The following SHANK2 variants were observed in gnomAD, a reference collection of about 807,000 sequenced individuals.
SHANK2 encodes SH3 and multiple ankyrin repeat domains 2, also known as SH3 and multiple ankyrin repeat domains protein 2.
In SHANK2, 43 loss-of-function variants were observed where a neutral mutation model predicts 133.7. The observed-to-expected ratio is 0.32, with a 90% CI of 0.25 to 0.41. The LOEUF is 0.41. SHANK2 is among the 10% of genes least tolerant of loss of function. SHANK2 has a pLI of 1.00. For missense variants in SHANK2, 1,994 were observed against 2,235.8 expected (o/e 0.89, Z 2.18); for synonymous variants, 1,017 against 952.8 (o/e 1.07, Z -1.24).
At chr11:70,708,314 C>T (rs977959795) in intron 14 of SHANK2, among the ~76,000 whole-genome samples, 41 of 152,090 alleles carry the variant, frequency 2.7e-4, no homozygotes, top group Non-Finnish European at 7.4e-5. Flanking sequence ...CACTGCATTT[C>T]TCCTGATGGA....
At chr11:70,931,839 C>T (rs945651470) in intron 10 of SHANK2, among the ~76,000 whole-genome samples, 5 of 152,172 alleles carry the variant, frequency 3.3e-5, no homozygotes, top group African/African-American at 7.2e-5. Context: ...CTCTCAACGA[C>T]GCTTATTATT....
Position 71,171,837 on chromosome 11 carries a change from G to A in SHANK2, c.-12-24499C>T, listed in dbSNP as rs1458006176. Among the ~76,000 whole-genome samples, 12 of 152,300 alleles carry A rather than the reference G, an allele frequency of 7.9e-5. 1 individual carries two copies. The highest frequency in any genetic ancestry group is 7.7e-4 in the East Asian group (4 of 5,176). On this transcript the variant is annotated intron_variant, in intron 2 of 25. Coordinates refer to ENST00000601538, the MANE Select transcript of SHANK2 (RefSeq NM_012309.5). ...TAATCAGATTAATCCCTGTGGCCTC[G>A]TTTAACCAGGATCACTGCCTTAGAG...
chr11:70,618,470 A>G (rs2060786222), intron 17 of SHANK2, among the ~76,000 whole-genome samples: 2 of 152,164 alleles, frequency 1.3e-5, no homozygotes, highest in Admixed American at 6.5e-5. Flanking sequence ...AACGTTCTAG[A>G]ATCCCAGGGC....
chr11:71,189,104 T>C (rs904319920), intron 2 of SHANK2, among the ~76,000 whole-genome samples: 13 of 152,212 alleles, frequency 8.5e-5, no homozygotes, highest in African/African-American at 2.7e-4. Flanking sequence ...CATCTGCCAT[T>C]CTCGGCTGAA....
intron 11 of SHANK2, among the ~76,000 whole-genome samples, chr11:70,869,009 G>A (rs528329460): frequency 1.3e-5 from 2 of 152,332 alleles, no homozygotes; most frequent in South Asian, 4.1e-4. Flanking sequence ...GGGCTTTAAA[G>A]AGGCAACTAA....
intron 14 of SHANK2, among the ~76,000 whole-genome samples, chr11:70,781,459 C>A (rs1591838427): frequency 1.3e-5 from 2 of 149,196 alleles, no homozygotes; most frequent in African/African-American, 2.5e-5. Context: ...GGGAAAGGGA[C>A]CATTGCTTGG....
Position 70,617,235 on chromosome 11 carries a change from ATG to A in SHANK2, c.2061+42591_2061+42592del, listed in dbSNP as rs568095696. Reference sequence around the variant, plus strand: ...GTCTGAGTGTGTTGTGTGTGTGTGCATGTGTGTCACTGAGAGTGCATGTGTGT... The same window carrying A: ...GTCTGAGTGTGTTGTGTGTGTGTGCATGTGTCACTGAGAGTGCATGTGTGT... On this transcript the variant is annotated intron_variant, in intron 17 of 25. Coordinates refer to ENST00000601538, the MANE Select transcript of SHANK2 (RefSeq NM_012309.5). Among the ~76,000 whole-genome samples, 68 of 150,508 alleles carry A rather than the reference ATG, an allele frequency of 4.5e-4. No homozygotes were observed. The East Asian group carries it at 0.013, about 28-fold the overall frequency.
chr11:70,678,825 C>T (rs1305753158), intron 15 of SHANK2, among the ~76,000 whole-genome samples: 2 of 152,072 alleles, frequency 1.3e-5, no homozygotes, highest in African/African-American at 4.8e-5. Context: ...ACAGGCATGA[C>T]CCACTGCGCC....
At chr11:70,663,684 C>A (rs916130891) in intron 15 of SHANK2, among the ~76,000 whole-genome samples, 1 of 152,170 alleles carries the variant, frequency 6.6e-6, no homozygotes, top group African/African-American at 2.4e-5. Flanking sequence ...TACCTTGCCC[C>A]CTCCCCAGAG....
chr11:70,616,852 C>T (rs1565182720), intron 17 of SHANK2, among the ~76,000 whole-genome samples: 1 of 152,136 alleles, frequency 6.6e-6, no homozygotes, highest in East Asian at 1.9e-4. Context: ...CGACAGGGGC[C>T]GCTGAGGAAG....
rs1408882187 is a variant in SHANK2, at chr11:70,471,442, G to A, written c.*1427C>T. On this transcript the variant is annotated 3_prime_UTR_variant, in exon 26 of 26. Transcript: ENST00000601538. The surrounding 1 kb of genome is among the most constrained non-coding windows in gnomAD (Gnocchi z 4.1). ...CTGGTGACCTCTTTTGGAAATTCGA[G>A]GTATTGTTATGGGGTGGAGGGACTC... 1 of 398,704 alleles carries A rather than the reference G, an allele frequency of 2.5e-6. No homozygotes were observed. Among genetic ancestry groups the A allele is most frequent in the Non-Finnish European group, 4.4e-6 (1 of 226,066 alleles). The allele number at this position is 398,704 out of a possible 1,614,324, so 24.7% of individuals were successfully genotyped here.
intron 15 of SHANK2, among the ~76,000 whole-genome samples, chr11:70,666,776 T>C (rs898302725): frequency 6.6e-6 from 1 of 152,168 alleles, no homozygotes; most frequent in Non-Finnish European, 1.5e-5. Context: ...GTGCCTGAAG[T>C]AGGCACTGTG....
chr11:71,063,920 GT>G (rs1374663441), intron 9 of SHANK2, among the ~76,000 whole-genome samples: 1 of 152,096 alleles, frequency 6.6e-6, no homozygotes, highest in East Asian at 1.9e-4. Context: ...TGTGCCTGCA[GT>G]TCCCATCAGC....
intron 17 of SHANK2, among the ~76,000 whole-genome samples, chr11:70,616,135 C>T (rs1352808066): frequency 1.1e-4 from 16 of 152,292 alleles, no homozygotes; most frequent in African/African-American, 3.9e-4. Context: ...GGATGGGGGG[C>T]ACATGAGATT....
chr11:70,495,665 G>A (rs567561465), intron 21 of SHANK2, among the ~76,000 whole-genome samples: 21 of 152,308 alleles, frequency 1.4e-4, no homozygotes, highest in African/African-American at 5.1e-4. Context: ...GTGCTGGCCC[G>A]GGCCCCTCCT....
In SHANK2 at chr11:70,485,596, G is replaced by C. The variant is rs781817291; in HGVS notation, c.4697C>G (p.Ala1566Gly). The C allele has an allele frequency of 6.2e-7, 1 of 1,613,942 alleles. No individual in the cohort carries two copies. The highest frequency in any genetic ancestry group is 8.5e-7 in the Non-Finnish European group (1 of 1,180,036). Residue 1566 changes from alanine to glycine, a missense_variant, in exon 25 of 26, where the codon GCG becomes GGG. By Grantham distance (60) the Ala-to-Gly change is moderately conservative. This residue lies in a region of SHANK2 where 797 missense variants were observed against 907.4 expected (regional missense o/e 0.88). Coordinates refer to ENST00000601538, the MANE Select transcript of SHANK2 (RefSeq NM_012309.5). The surrounding 1 kb of genome is among the most constrained non-coding windows in gnomAD (Gnocchi z 5.8). ...GCTATCTACATCTTCTTCCACGAGCGCGTCTTGATAAAGTGCATTGCTTTT... is the reference window on the plus strand; with the variant it reads ...GCTATCTACATCTTCTTCCACGAGCCCGTCTTGATAAAGTGCATTGCTTTT... ...IHKSNALYQD[A>G]LVEEDVDSFV... is the part of the protein sequence containing the mutation.
intron 9 of SHANK2, among the ~76,000 whole-genome samples, chr11:71,064,402 G>A (rs1446831378): frequency 2.6e-5 from 4 of 152,156 alleles, no homozygotes; most frequent in African/African-American, 9.7e-5. Flanking sequence ...AGTAGAAACC[G>A]GCAAGGGGCC....
rs1162774562 is a variant in SHANK2 at position 71,210,244 on chromosome 11, A to G, written c.-13+14453T>C. Reference sequence around the variant, plus strand: ...TATATATATATATATATATATATATATATATATATTTATTTATTTTTTGAA... The same window carrying G: ...TATATATATATATATATATATATATGTATATATATTTATTTATTTTTTGAA... On this transcript the variant is annotated intron_variant, in intron 2 of 25. Coordinates refer to ENST00000601538, the MANE Select transcript of SHANK2 (RefSeq NM_012309.5). Among the ~76,000 whole-genome samples, 7 of 90,006 alleles carry G rather than the reference A, an allele frequency of 7.8e-5. 1 individual carries two copies. The highest frequency in any genetic ancestry group is 7.0e-4 in the Admixed American group (6 of 8,518). The allele number at this position is 90,006 out of a possible 152,430, so 59.0% of individuals were successfully genotyped here. A position where few individuals can be genotyped will look rare whatever the true frequency, so the allele number is the denominator to read the frequency against.
At chr11:70,815,178 A>G (rs1948364615) in intron 12 of SHANK2, among the ~76,000 whole-genome samples, 1 of 1,818 alleles carries the variant, frequency 5.5e-4, no homozygotes, top group African/African-American at 1.7e-3. Flanking sequence ...GAGAAGAAAC[A>G]CACACACACA....
Sources: allele counts gnomAD v4.1 joint callset (sites outside exome capture counted in the v4.1 genomes callset), GRCh38; gene constraint gnomAD v4.1.1; regional missense constraint gnomAD v4.1.1; non-coding constraint Gnocchi (gnomAD v3.1); transcripts MANE v1.5; gene names NCBI Gene and HGNC (gene_info 2026-07-23, HGNC 2026-07-21).